PTPRS: variants seen among roughly 807,000 people sequenced by gnomAD.
PTPRS encodes receptor-type tyrosine-protein phosphatase S.
In PTPRS, 63 loss-of-function variants were observed where a neutral mutation model predicts 215.3. The ratio of observed to expected loss-of-function variants is 0.29; its 90% CI spans 0.24 to 0.36. The LOEUF is 0.36. Ranked by LOEUF, PTPRS falls within the 10% of genes least tolerant of loss-of-function variation. PTPRS has a pLI of 1.00. For missense variants in PTPRS, 2,258 were observed against 2,825.8 expected (o/e 0.80, Z 4.56); for synonymous variants, 1,404 against 1,191.4 (o/e 1.18, Z -3.68).
chr19:5,205,836 G>C lies in PTPRS; in HGVS notation c.*938C>G, dbSNP rs2040323766. Among the ~76,000 whole-genome samples the C allele has an allele frequency of 6.6e-6, 1 of 152,030 alleles. No homozygotes were observed. Among genetic ancestry groups the C allele is most frequent in the Admixed American group, 6.6e-5 (1 of 15,262 alleles). On this transcript the variant is annotated 3_prime_UTR_variant, in exon 38 of 38. Coordinates refer to ENST00000262963, the MANE Select transcript of PTPRS (RefSeq NM_002850.4). ...GAGACAGCTCAGGCTCTCAGAGGAG[G>C]ACCACTGTCATCTCTCTCCTCTTAC...
At chr19:5,331,894 G>A (rs1263478705) in intron 1 of PTPRS, among the ~76,000 whole-genome samples, 1 of 152,186 alleles carries the variant, frequency 6.6e-6, no homozygotes, top group African/African-American at 2.4e-5. Flanking sequence ...CCCAGGCCCT[G>A]TTCTCAGCAC....
intron 1 of PTPRS, chr19:5,286,521 C>T (rs1015266019): frequency 7.9e-6 from 2 of 252,126 alleles, no homozygotes; most frequent in Middle Eastern, 1.4e-3. Flanking sequence ...AGAGCAGAGA[C>T]CTCATGAACG....
chr19:5,324,334 TG>T (rs1287940150), intron 1 of PTPRS, among the ~76,000 whole-genome samples: 3 of 151,776 alleles, frequency 2.0e-5, no homozygotes, highest in Non-Finnish European at 4.4e-5. Context: ...CAGCATACAT[TG>T]GCTTGTATTA....
At chr19:5,297,098 G>A (rs917954499) in intron 1 of PTPRS, among the ~76,000 whole-genome samples, 2 of 152,062 alleles carry the variant, frequency 1.3e-5, no homozygotes, top group Admixed American at 6.5e-5. Flanking sequence ...TGATTGCCCC[G>A]CCTACTCCGT....
chr19:5,300,767 C>CAAAAAAAAAAAAAAA (rs59799136), intron 1 of PTPRS, among the ~76,000 whole-genome samples: 2 of 97,752 alleles, frequency 2.0e-5, no homozygotes, highest in African/African-American at 3.9e-5. Context: ...GACTCCGTCT[C>CAAAAAAAAAAAAAAA]AAAAAAAAAA....
intron 4 of PTPRS, among the ~76,000 whole-genome samples, chr19:5,269,864 T>C (rs949422403): frequency 3.0e-5 from 4 of 134,560 alleles, no homozygotes; most frequent in African/African-American, 1.1e-4. Context: ...GAGGTTGCAG[T>C]GAGCCAAGAT....
chr19:5,264,820 G>A lies in PTPRS; in HGVS notation c.568+188C>T, dbSNP rs142855825. 3.9e-5 allele frequency among the ~76,000 whole-genome samples: 6 copies of A among 152,152 alleles called. No individual in the cohort carries two copies. In the South Asian group the frequency reaches 6.2e-4, roughly 16 times the overall value. ...CTCTCCAGTACTCATGCCCATCTGT[G>A]CCCCCTAATATCCTCAGTGTGCGGC... On this transcript the variant is annotated intron_variant, in intron 5 of 37. Coordinates refer to ENST00000262963, the MANE Select transcript of PTPRS (RefSeq NM_002850.4).
In PTPRS at chr19:5,210,415, C is replaced by T; in HGVS notation, c.5487+54G>A. 1 of 1,611,768 alleles carries T rather than the reference C, an allele frequency of 6.2e-7. No individual in the cohort carries two copies. Among genetic ancestry groups the T allele is most frequent in the Non-Finnish European group, 8.5e-7 (1 of 1,178,718 alleles). On this transcript the variant is annotated intron_variant, in intron 35 of 37. Transcript: ENST00000262963. The surrounding 1 kb of genome is among the most constrained non-coding windows in gnomAD (Gnocchi z 4.5). ...GTATCCATCACCAACCAGGGCAGCC[C>T]TTTCCAGATCACTAAGGCTCCAGCC...
rs2045414916 is a variant in PTPRS, at chr19:5,254,632, GC to G, written c.718+1475del. 2.0e-5 allele frequency among the ~76,000 whole-genome samples: 3 copies of G among 152,238 alleles called. No homozygotes were observed. The South Asian group carries it at 6.2e-4, about 32-fold the overall frequency. ...GAGGCTGTGTCCAAGGTTCCCCTGG[GC>G]TTTTTCCAGAATTCCACAGCTCTGA... On this transcript the variant is annotated intron_variant, in intron 9 of 37. Coordinates refer to ENST00000262963, the MANE Select transcript of PTPRS (RefSeq NM_002850.4).
intron 6 of PTPRS, among the ~76,000 whole-genome samples, chr19:5,262,227 A>G (rs778625105): frequency 6.6e-6 from 1 of 152,224 alleles, no homozygotes; most frequent in South Asian, 2.1e-4. Flanking sequence ...GTGAGCCGAG[A>G]TGGTGCCACT....
At chr19:5,263,432 G>A (rs1220064953) in intron 5 of PTPRS, among the ~76,000 whole-genome samples, 1 of 152,110 alleles carries the variant, frequency 6.6e-6, no homozygotes, top group African/African-American at 2.4e-5. Context: ...CTCTTTGGTG[G>A]GGGGCAACGA....
At chr19:5,260,032 C>A (rs557632933) in intron 7 of PTPRS, among the ~76,000 whole-genome samples, 23 of 152,224 alleles carry the variant, frequency 1.5e-4, no homozygotes, top group African/African-American at 5.1e-4. Context: ...CTTCTCTTGG[C>A]TCTTCTCTGA....
chr19:5,284,415 ATAAAAAT>A (rs1474498308), intron 2 of PTPRS, among the ~76,000 whole-genome samples: 144 of 101,528 alleles, frequency 1.4e-3, no homozygotes, highest in Non-Finnish European at 3.0e-3. Context: ...AAATAAATAA[ATAAAAAT>A]TAGCCAGGTC....
In PTPRS at chr19:5,287,459, C is replaced by T. The variant is rs2048438537; in HGVS notation, c.-94-1225G>A. Among the ~76,000 whole-genome samples, 1 of 152,214 alleles carries T rather than the reference C, an allele frequency of 6.6e-6. No individual in the cohort carries two copies. The highest frequency in any genetic ancestry group is 2.1e-4 in the South Asian group (1 of 4,834). ...CTTGAACCCTGGAATGGCCCCCTCC[C>T]CATCTCCCCAATCTCCACTCTGTCC... On this transcript the variant is annotated intron_variant, in intron 1 of 37. Transcript: ENST00000262963. This position sits in a 1 kb window ranked among gnomAD's most constrained non-coding sequence, Gnocchi z 4.8.
chr19:5,270,783 G>A (rs2046843179), intron 4 of PTPRS, among the ~76,000 whole-genome samples: 1 of 152,144 alleles, frequency 6.6e-6, no homozygotes, highest in East Asian at 1.9e-4. Context: ...GAGCTAGGAT[G>A]ACAGGTGCAC....
At chr19:5,325,347 C>G (rs893135666) in intron 1 of PTPRS, among the ~76,000 whole-genome samples, 2 of 152,236 alleles carry the variant, frequency 1.3e-5, no homozygotes, top group Non-Finnish European at 2.9e-5. Flanking sequence ...TGGCCATGTG[C>G]CCAGATAAAA....
In PTPRS at chr19:5,265,078, G is replaced by A. The variant is rs775601809; in HGVS notation, c.498C>T (p.Ile166=). 6.2e-6 allele frequency: 10 copies of A among 1,614,034 alleles called. No homozygotes were observed. The highest frequency in any genetic ancestry group is 4.4e-5 in the South Asian group (4 of 91,082). ...CAGGCAGGAAGTCCTTGAACCAGGT[G>A]ATCTCAGGGTCAGGGTTGCCGCTGG... ...CAASGNPDPE[I]TWFKDFLPVD... Residue 166 remains isoleucine, a synonymous_variant, in exon 5 of 38, where the codon ATC becomes ATT. Coordinates refer to ENST00000262963, the MANE Select transcript of PTPRS (RefSeq NM_002850.4).
intron 9 of PTPRS, among the ~76,000 whole-genome samples, chr19:5,253,693 G>A (rs1224993431): frequency 6.6e-6 from 1 of 152,184 alleles, no homozygotes; most frequent in Admixed American, 6.5e-5. Context: ...AAATGAATTA[G>A]CTTCTGCCCT....
intron 7 of PTPRS, 32 bp downstream of exon 7, chr19:5,260,773 G>T: frequency 1.2e-6 from 2 of 1,613,182 alleles, no homozygotes; most frequent in Non-Finnish European, 1.7e-6. Flanking sequence ...AAGAGCGAGC[G>T]TGAGTGGGTG....
Sources: allele counts gnomAD v4.1 joint callset (sites outside exome capture counted in the v4.1 genomes callset), GRCh38; gene constraint gnomAD v4.1.1; non-coding constraint Gnocchi (gnomAD v3.1); transcripts MANE v1.5; gene names NCBI Gene and HGNC (gene_info 2026-07-23, HGNC 2026-07-21).